The following TAB2 variants were observed in gnomAD, a reference collection of about 807,000 sequenced individuals.
TAB2 encodes TGF-beta activated kinase 1 (MAP3K7) binding protein 2, also known as TGF-beta-activated kinase 1 and MAP3K7-binding protein 2.
Under a neutral mutation model 65.0 loss-of-function variants are expected in TAB2, and 3 were observed. The observed-to-expected ratio is 0.05, with a 90% CI of 0.02 to 0.12. The LOEUF is 0.12. Among genes scored for constraint, TAB2 ranks in the 10% least tolerant of loss-of-function variants. TAB2 has a pLI of 1.00. For missense variants in TAB2, 623 were observed against 840.3 expected (o/e 0.74, Z 3.20); for synonymous variants, 298 against 285.1 (o/e 1.05, Z -0.46).
At chr6:149,305,074 A>G (rs1164403616) in intron 1 of TAB2, among the ~76,000 whole-genome samples, 4 of 151,798 alleles carry the variant, frequency 2.6e-5, no homozygotes, top group South Asian at 2.1e-4. Context: ...TTGTTTTGTT[A>G]TTGTTATTGT....
chr6:149,391,702 T>C (rs1035602873), intron 3 of TAB2, among the ~76,000 whole-genome samples: 3 of 151,586 alleles, frequency 2.0e-5, no homozygotes, highest in Non-Finnish European at 4.4e-5. Flanking sequence ...CCACCATGCC[T>C]GGCTAATTTT....
At chr6:149,359,645 T>A (rs933092335) in intron 1 of TAB2, among the ~76,000 whole-genome samples, 2 of 152,244 alleles carry the variant, frequency 1.3e-5, no homozygotes, top group African/African-American at 4.8e-5. Flanking sequence ...CTCCAGTATG[T>A]CTAGTTCTGA....
intron 2 of TAB2, among the ~76,000 whole-genome samples, chr6:149,377,812 G>A (rs1781453648): frequency 7.0e-6 from 1 of 142,058 alleles, no homozygotes; most frequent in African/African-American, 2.6e-5. Flanking sequence ...GATTCACTTT[G>A]TTAGTCAGAG....
intron 1 of TAB2, among the ~76,000 whole-genome samples, chr6:149,363,998 G>T (rs927372540): frequency 6.6e-6 from 1 of 152,032 alleles, no homozygotes; most frequent in Admixed American, 6.6e-5. Flanking sequence ...CTTCGCTTTT[G>T]CCCCAATTTC....
chr6:149,397,484 A>G (rs182472048), intron 3 of TAB2, 120 bp from the exon 4 acceptor site: 2 of 1,163,616 alleles, frequency 1.7e-6, no homozygotes. Flanking sequence ...TAAACTTACA[A>G]TATTTTGTTT....
At chr6:149,218,102 G>A (rs1362242508), upstream of TAB2, 1 of 152,120 alleles carries the variant, frequency 6.6e-6, no homozygotes, top group African/African-American at 2.4e-5. Context: ...TCTTATTTGA[G>A]CAATTTTGGG....
At chr6:149,250,656 GA>G (rs1440924014) in intron 1 of TAB2, among the ~76,000 whole-genome samples, 6 of 152,140 alleles carry the variant, frequency 3.9e-5, no homozygotes, top group Admixed American at 1.3e-4. Flanking sequence ...CTGGGTTTCA[GA>G]AAAGAGATTA....
At chr6:149,263,323 A>G (rs958784428) in intron 1 of TAB2, among the ~76,000 whole-genome samples, 1 of 152,242 alleles carries the variant, frequency 6.6e-6, no homozygotes, top group Non-Finnish European at 1.5e-5. Flanking sequence ...TTAAATTAGA[A>G]ATAAATTGGT....
At chr6:149,274,392 C>T (rs868655311) in intron 1 of TAB2, among the ~76,000 whole-genome samples, 4 of 152,228 alleles carry the variant, frequency 2.6e-5, no homozygotes, top group Admixed American at 1.3e-4. Flanking sequence ...ATTACCTTAG[C>T]TTTCCATACC....
intron 3 of TAB2, among the ~76,000 whole-genome samples, chr6:149,387,646 G>A (rs1781847773): frequency 6.6e-6 from 1 of 152,028 alleles, no homozygotes; most frequent in Admixed American, 6.6e-5. Context: ...GAAGTCAACT[G>A]GAATTCTGAT....
chr6:149,309,553 C>T (rs149804383), intron 1 of TAB2, among the ~76,000 whole-genome samples: 2,977 of 151,278 alleles, frequency 0.02, 95 homozygotes, highest in African/African-American at 0.068. Flanking sequence ...CCCGCCACCA[C>T]GCCCGGCTAA....
intron 2 of TAB2, among the ~76,000 whole-genome samples, chr6:149,371,472 A>C (rs538063754): frequency 2.0e-5 from 3 of 152,172 alleles, no homozygotes; most frequent in South Asian, 4.1e-4. Flanking sequence ...CCTGAGCTGC[A>C]TGGAATTCTC....
chr6:149,336,486 A>G (rs893321884), intron 1 of TAB2, among the ~76,000 whole-genome samples: 3 of 152,128 alleles, frequency 2.0e-5, no homozygotes, highest in African/African-American at 7.2e-5. Flanking sequence ...TCTATGTGTA[A>G]GCACATAGCA....
intron 3 of TAB2, among the ~76,000 whole-genome samples, chr6:149,384,952 TAA>T (rs1781741731): frequency 1.3e-5 from 2 of 152,046 alleles, no homozygotes; most frequent in Admixed American, 1.3e-4. Context: ...TTTTATTATT[TAA>T]AGAAAAAAAA....
chr6:149,348,436 G>GA (rs945423418), intron 1 of TAB2, among the ~76,000 whole-genome samples: 126 of 142,784 alleles, frequency 8.8e-4, no homozygotes, highest in Middle Eastern at 3.5e-3. Flanking sequence ...AAGAAAGAAA[G>GA]AAAAAAAAAA....
Position 149,403,810 on chromosome 6 carries a change from C to G in TAB2, c.1939+4626C>G, listed in dbSNP as rs576445758. Among the ~76,000 whole-genome samples the G allele has an allele frequency of 4.6e-5, 7 of 152,152 alleles. No individual in the cohort carries two copies. In the East Asian group the frequency reaches 1.4e-3, roughly 29 times the overall value. The stretch of plus-strand genomic sequence containing the variant: ...ACACCTTTTAAACAGCCAGATCTTT[C>G]ATGAACTCAGAGCAATATCTCACTC... On this transcript the variant is annotated intron_variant, in intron 6 of 6. Transcript: ENST00000637181.
intron 1 of TAB2, among the ~76,000 whole-genome samples, chr6:149,269,386 T>C (rs1778320436): frequency 6.6e-6 from 1 of 152,212 alleles, no homozygotes; most frequent in Non-Finnish European, 1.5e-5. Flanking sequence ...TTGAATACTT[T>C]TATTAAAAAT....
At chr6:149,335,063 C>T (rs573328411) in intron 1 of TAB2, among the ~76,000 whole-genome samples, 50 of 152,042 alleles carry the variant, frequency 3.3e-4, no homozygotes, top group Non-Finnish European at 5.6e-4. Context: ...AATTCCATTG[C>T]TATTAGTCTA....
At chr6:149,346,267 C>T (rs776978291) in intron 1 of TAB2, among the ~76,000 whole-genome samples, 2 of 152,092 alleles carry the variant, frequency 1.3e-5, no homozygotes, top group East Asian at 1.9e-4. Flanking sequence ...CACGCATGCA[C>T]GCATGCACAC....
Sources: allele counts gnomAD v4.1 joint callset (sites outside exome capture counted in the v4.1 genomes callset), GRCh38; gene constraint gnomAD v4.1.1; transcripts MANE v1.5; gene names NCBI Gene and HGNC (gene_info 2026-07-23, HGNC 2026-07-21).